The following PCDHGA10 variants were observed in gnomAD, a reference collection of about 807,000 sequenced individuals.
PCDHGA10 encodes the protein protocadherin gamma-A10.
Under a neutral mutation model 59.5 loss-of-function variants are expected in PCDHGA10, and 42 were observed. The observed-to-expected ratio is 0.71, with a 90% confidence interval of 0.55 to 0.91. PCDHGA10 has a LOEUF of 0.91. Among genes scored for constraint, PCDHGA10 ranks in the 40% least tolerant of loss-of-function variants. The pLI is 0.00. For missense variants in PCDHGA10, 1,111 were observed against 1,198.2 expected (o/e 0.93, Z 1.07); for synonymous variants, 511 against 517.2 (o/e 0.99, Z 0.16).
In PCDHGA10 at chr5:141,431,570, G is replaced by A. The variant is rs754760314; in HGVS notation, c.2436+15959G>A. 7 of 1,614,172 alleles carry A rather than the reference G, an allele frequency of 4.3e-6. No individual in the cohort carries two copies. Among genetic ancestry groups the A allele is most frequent in the Non-Finnish European group, 5.9e-6 (7 of 1,180,024 alleles). ...TGTAGTCAACGCTACCGACCCTGAC[G>A]AAGGAGTCAATGCGGAAGTGAGGTA... On this transcript the variant is annotated intron_variant, in intron 1 of 3. Transcript: ENST00000398610. The surrounding 1 kb of genome is among the most constrained non-coding windows in gnomAD (Gnocchi z 4.8).
chr5:141,483,501 G>A (rs1022338958), intron 1 of PCDHGA10, among the ~76,000 whole-genome samples: 2 of 150,394 alleles, frequency 1.3e-5, no homozygotes, highest in Admixed American at 1.3e-4. Context: ...ATGAGTCAAG[G>A]CTGATCCCCC....
At position 141,486,671 on chromosome 5, in the gene PCDHGA10, C is replaced by G. The variant is rs1307620045; in HGVS notation, c.2437-8136C>G. 24 of 1,613,926 alleles carry G rather than the reference C, an allele frequency of 1.5e-5. No homozygotes were observed. The highest frequency in any genetic ancestry group is 2.7e-5 in the African/African-American group (2 of 74,932). Reference sequence around the variant, plus strand: ...CTACTCACTCCTGGAGCCCAGGAATCGAGATGTATCAGCTTCCTCTTTCAT... The same window carrying G: ...CTACTCACTCCTGGAGCCCAGGAATGGAGATGTATCAGCTTCCTCTTTCAT... On this transcript the variant is annotated intron_variant, in intron 1 of 3. Transcript: ENST00000398610. The surrounding 1 kb of genome is among the most constrained non-coding windows in gnomAD (Gnocchi z 5.0).
rs1407774111 is a variant in PCDHGA10 at position 141,431,569 on chromosome 5, C to G, written c.2436+15958C>G. On this transcript the variant is annotated intron_variant, in intron 1 of 3. Transcript: ENST00000398610. The surrounding 1 kb of genome is among the most constrained non-coding windows in gnomAD (Gnocchi z 4.8). Reference sequence around the variant, plus strand: ...TTGTAGTCAACGCTACCGACCCTGACGAAGGAGTCAATGCGGAAGTGAGGT... The same window carrying G: ...TTGTAGTCAACGCTACCGACCCTGAGGAAGGAGTCAATGCGGAAGTGAGGT... 5.6e-6 allele frequency: 9 copies of G among 1,614,000 alleles called. No homozygotes were observed. Among genetic ancestry groups the G allele is most frequent in the African/African-American group, 2.7e-5 (2 of 74,932 alleles).
intron 2 of PCDHGA10, among the ~76,000 whole-genome samples, chr5:141,503,598 C>CAAAAAAA (rs765754054): frequency 1.5e-5 from 1 of 65,730 alleles, no homozygotes; most frequent in Non-Finnish European, 3.4e-5. Flanking sequence ...GACTCCAGCT[C>CAAAAAAA]AAAAAAAAAA....
chr5:141,447,312 G>C (rs2098534178), intron 1 of PCDHGA10, among the ~76,000 whole-genome samples: 2 of 151,918 alleles, frequency 1.3e-5, no homozygotes, highest in African/African-American at 2.4e-5. Flanking sequence ...GCTAATTTTT[G>C]TATTTTTAGT....
intron 1 of PCDHGA10, chr5:141,419,785 G>A (rs1268841728): frequency 1.2e-6 from 2 of 1,613,934 alleles, no homozygotes; most frequent in Non-Finnish European, 1.7e-6. Flanking sequence ...GCCAGCGCCT[G>A]CTAGTCGCTG....
chr5:141,421,365 G>A (rs1189449968), intron 1 of PCDHGA10: 2 of 1,614,026 alleles, frequency 1.2e-6, no homozygotes, highest in South Asian at 1.1e-5. Flanking sequence ...GCTCCTTCGT[G>A]GGCAATATCT....
At position 141,476,943 on chromosome 5, in the gene PCDHGA10, A is replaced by G. The variant is rs538990482; in HGVS notation, c.2437-17864A>G. On this transcript the variant is annotated intron_variant, in intron 1 of 3. Coordinates refer to ENST00000398610, the MANE Select transcript of PCDHGA10 (RefSeq NM_018913.3). This position sits in a 1 kb window ranked among gnomAD's most constrained non-coding sequence, Gnocchi z 7.6. ...GCAACGGATCTGGATGAAGGCCCCA[A>G]CGGTGAAATTATTTACTCCTTCGGC... 14 of 1,614,170 alleles carry G rather than the reference A, an allele frequency of 8.7e-6. No individual in the cohort carries two copies. Among genetic ancestry groups the G allele is most frequent in the South Asian group, 1.1e-5 (1 of 91,086 alleles).
intron 2 of PCDHGA10, among the ~76,000 whole-genome samples, chr5:141,503,851 A>C (rs1484022055): frequency 6.6e-6 from 1 of 152,116 alleles, no homozygotes; most frequent in Non-Finnish European, 1.5e-5. Context: ...CCTTGGAAAA[A>C]TTGTAAAGCA....
At chr5:141,433,358 C>CCTAT (rs3074541) in intron 1 of PCDHGA10, 148,925 of 502,316 alleles carry the variant, frequency 0.3, 18,760 homozygotes, top group East Asian at 0.33. Flanking sequence ...CTACTGTCTG[C>CCTAT]CTATCTATCT....
intron 1 of PCDHGA10, chr5:141,416,995 T>G (rs912921234): frequency 2.0e-5 from 3 of 151,486 alleles, no homozygotes; most frequent in Non-Finnish European, 2.9e-5. Flanking sequence ...TGTGCATTCA[T>G]CTCAAATAAT....
chr5:141,480,730 G>A (rs1261461187), intron 1 of PCDHGA10, among the ~76,000 whole-genome samples: 1 of 152,168 alleles, frequency 6.6e-6, no homozygotes, highest in East Asian at 1.9e-4. Flanking sequence ...GTCTCTGGGG[G>A]TGGGACATAG....
Position 141,491,795 on chromosome 5 carries a change from C to T in PCDHGA10, c.2437-3012C>T. On this transcript the variant is annotated intron_variant, in intron 1 of 3. Coordinates refer to ENST00000398610, the MANE Select transcript of PCDHGA10 (RefSeq NM_018913.3). This position sits in a 1 kb window ranked among gnomAD's most constrained non-coding sequence, Gnocchi z 6.9. ...GGATTGAACTTGCATCCACTCCTCT[C>T]CGGCCGGCTTGGTCGCTGGCTGCGC... 6 of 1,511,694 alleles carry T rather than the reference C, an allele frequency of 4.0e-6. No individual in the cohort carries two copies. Among genetic ancestry groups the T allele is most frequent in the Non-Finnish European group, 5.3e-6 (6 of 1,130,430 alleles). 93.6% of individuals were successfully genotyped at this position (1,511,694 alleles called of 1,614,324 possible).
Position 141,491,717 on chromosome 5 carries a change from C to A in PCDHGA10, c.2437-3090C>A. ...CGGAGCCAGGTGAGGGGCTCGGCGC[C>A]GCCCCGGGCGACCCCTGGGGGCGGC... On this transcript the variant is annotated intron_variant, in intron 1 of 3. Coordinates refer to ENST00000398610, the MANE Select transcript of PCDHGA10 (RefSeq NM_018913.3). The surrounding 1 kb of genome is among the most constrained non-coding windows in gnomAD (Gnocchi z 6.9). 1 of 1,607,940 alleles carries A rather than the reference C, an allele frequency of 6.2e-7. No individual in the cohort carries two copies. Among genetic ancestry groups the A allele is most frequent in the Middle Eastern group, 1.7e-4 (1 of 6,010 alleles).
At chr5:141,422,058 A>G (rs1015726657) in intron 1 of PCDHGA10, 3 of 1,611,890 alleles carry the variant, frequency 1.9e-6, no homozygotes, top group African/African-American at 2.7e-5. Flanking sequence ...TCAACGGGGA[A>G]GTAATGTATT....
rs755811755 is a variant in PCDHGA10, at chr5:141,414,781, G to A, written c.1606G>A (p.Val536Met). 6.2e-7 allele frequency: 1 copy of A among 1,614,230 alleles called. No homozygotes were observed. Among genetic ancestry groups the A allele is most frequent in the Admixed American group, 1.7e-5 (1 of 60,028 alleles). Residue 536 changes from valine to methionine, a missense_variant, in exon 1 of 4, where the codon GTG becomes ATG. Physicochemically the swap from Val to Met is conservative, Grantham distance 21 (BLOSUM62 1). Transcript: ENST00000398610. Reference sequence around the variant, plus strand: ...GCAGTTTCATGAGCTACAGATGCAGGTGACAGCCAGCGACAGCGGGGATCC... The same window carrying A: ...GCAGTTTCATGAGCTACAGATGCAGATGACAGCCAGCGACAGCGGGGATCC... ...YEQFHELQMQ[V>M]TASDSGDPPL...
Position 141,477,689 on chromosome 5 carries a change from C to T in PCDHGA10, c.2437-17118C>T. The T allele has an allele frequency of 6.2e-7, 1 of 1,614,156 alleles. No individual in the cohort carries two copies. The highest frequency in any genetic ancestry group is 8.5e-7 in the Non-Finnish European group (1 of 1,180,024). ...TGGCATAGTGTCATCCTTAGTGCCC[C>T]TAGACTATGAGGATCGGCGGGAATT... On this transcript the variant is annotated intron_variant, in intron 1 of 3. Transcript: ENST00000398610. This position sits in a 1 kb window ranked among gnomAD's most constrained non-coding sequence, Gnocchi z 4.9.
At chr5:141,420,725 C>T (rs1468308275) in intron 1 of PCDHGA10, among the ~76,000 whole-genome samples, 1 of 152,188 alleles carries the variant, frequency 6.6e-6, no homozygotes, top group African/African-American at 2.4e-5. Flanking sequence ...TCCTTTCAGT[C>T]GGTTAAAATC....
At chr5:141,478,625 T>A in intron 1 of PCDHGA10, 3 of 1,554,218 alleles carry the variant, frequency 1.9e-6, no homozygotes, top group Non-Finnish European at 2.6e-6. Context: ...ATGGAGCTGT[T>A]TTTTTAGTGA....
Sources: gnomAD v4.1 joint callset for allele counts (sites outside exome capture counted in the v4.1 genomes callset) on GRCh38, gnomAD v4.1.1 for gene constraint, Gnocchi (gnomAD v3.1) non-coding constraint, MANE v1.5 for transcripts, NCBI Gene and HGNC (gene_info 2026-07-23, HGNC 2026-07-21) for gene names.